EFCAB11: variants seen among roughly 807,000 people sequenced by gnomAD.
EFCAB11 encodes the protein EF-hand calcium-binding domain-containing protein 11.
A neutral mutation model predicts 23.0 loss-of-function variants in EFCAB11; 14 were observed. That is an observed-to-expected ratio of 0.61 (90% confidence interval 0.40 to 0.95). EFCAB11 has a LOEUF of 0.95. Among genes scored for constraint, EFCAB11 ranks in the 40% least tolerant of loss-of-function variants. The pLI, the probability that EFCAB11 is intolerant of heterozygous loss-of-function variation, is 0.00. For synonymous variants in EFCAB11, 65 were observed against 66.6 expected (o/e 0.98, Z 0.11); for missense variants, 198 against 195.8 (o/e 1.01, Z -0.07).
At chr14:89,932,720 A>C in intron 3 of EFCAB11, 93 bp from the exon 4 acceptor site, 1 of 977,972 alleles carries the variant, frequency 1.0e-6, no homozygotes, top group Non-Finnish European at 1.5e-6. Flanking sequence ...AATCTCACCA[A>C]TAATCAAATT....
intron 5 of EFCAB11, among the ~76,000 whole-genome samples, chr14:89,804,187 A>G (rs902815723): frequency 2.0e-5 from 3 of 152,242 alleles, no homozygotes; most frequent in African/African-American, 7.2e-5. Flanking sequence ...CAAACGTGGA[A>G]GCATGAAAAG....
chr14:89,859,932 C>T (rs1057264930), intron 5 of EFCAB11, among the ~76,000 whole-genome samples: 1 of 152,062 alleles, frequency 6.6e-6, no homozygotes, highest in Non-Finnish European at 1.5e-5. Flanking sequence ...CCTCTGATAC[C>T]GTCTTCTCAC....
Position 89,935,443 on chromosome 14 carries a change from C to T in EFCAB11, c.218-2816G>A, listed in dbSNP as rs183240831. Among the ~76,000 whole-genome samples, 82 of 150,146 alleles carry T rather than the reference C, an allele frequency of 5.5e-4. 1 individual carries two copies. Among genetic ancestry groups the T allele is most frequent in the East Asian group, 2.9e-3 (15 of 5,120 alleles). On this transcript the variant is annotated intron_variant, in intron 3 of 5. Coordinates refer to ENST00000316738, the MANE Select transcript of EFCAB11 (RefSeq NM_145231.4). ...TAGAGACAGGGTCTTGCTCTCTTGC[C>T]CAGGCTGGAGTGCAAAGGCTAGTCA...
intron 5 of EFCAB11, among the ~76,000 whole-genome samples, chr14:89,914,409 A>G (rs1000452873): frequency 6.6e-6 from 1 of 152,172 alleles, no homozygotes; most frequent in Non-Finnish European, 1.5e-5. Flanking sequence ...GTTTACTCCA[A>G]CTCTGAGGGG....
chr14:89,837,236 A>C (rs1263608995), intron 5 of EFCAB11: 2 of 410,142 alleles, frequency 4.9e-6, no homozygotes, highest in Non-Finnish European at 1.0e-5. Flanking sequence ...CATCCAATCA[A>C]TTTTCTGCCT....
chr14:89,954,264 T>C (rs1011829087), intron 1 of EFCAB11: 1 of 1,368,732 alleles, frequency 7.3e-7, no homozygotes, highest in Non-Finnish European at 1.0e-6. Context: ...GCCACTGAGA[T>C]AAATTCTACC....
intron 5 of EFCAB11, among the ~76,000 whole-genome samples, chr14:89,844,487 C>T (rs367979909): frequency 5.3e-5 from 8 of 152,318 alleles, no homozygotes; most frequent in African/African-American, 4.8e-5. Context: ...AGACCCCTGG[C>T]GGCCCTGGAT....
chr14:89,913,735 T>C (rs1167664385), intron 5 of EFCAB11, among the ~76,000 whole-genome samples: 1 of 152,218 alleles, frequency 6.6e-6, no homozygotes, highest in Non-Finnish European at 1.5e-5. Context: ...CCAAACATGA[T>C]GCTATCAAAA....
intron 5 of EFCAB11, among the ~76,000 whole-genome samples, chr14:89,889,176 A>G (rs1027525172): frequency 5.9e-5 from 9 of 152,220 alleles, no homozygotes; most frequent in Non-Finnish European, 1.3e-4. Flanking sequence ...GTATGAAGAC[A>G]ATTTCTTCCT....
chr14:89,934,197 T>C (rs997657427), intron 3 of EFCAB11, among the ~76,000 whole-genome samples: 3 of 152,146 alleles, frequency 2.0e-5, no homozygotes, highest in African/African-American at 7.2e-5. Flanking sequence ...CTGGCTATTA[T>C]CCTGATAAAA....
chr14:89,815,455 C>G (rs1386966256), intron 5 of EFCAB11, among the ~76,000 whole-genome samples: 1 of 151,586 alleles, frequency 6.6e-6, no homozygotes, highest in Non-Finnish European at 1.5e-5. Flanking sequence ...AAGACGGAAT[C>G]TTGTTCTGTC....
At chr14:89,866,225 C>T (rs1047721606) in intron 5 of EFCAB11, among the ~76,000 whole-genome samples, 7 of 152,192 alleles carry the variant, frequency 4.6e-5, no homozygotes, top group Non-Finnish European at 8.8e-5. Context: ...TGGGCAGGGG[C>T]CCTTCTGGGC....
chr14:89,931,554 G>T lies in EFCAB11; in HGVS notation c.397C>A (p.Leu133Ile). The change falls in exon 5 of 6, where the codon CTT (leucine) becomes ATT (isoleucine). Residue 133 changes from leucine (L) to isoleucine (I), a missense_variant. Leu to Ile is a conservative substitution (Grantham distance 5). Transcript: ENST00000316738. ...VAPKLPERTV[L>I]EVFREVDRDS... ...TTGATGCCTTACCTGAATACCTCAAGAACAGTCCTTTCCGGTAATTTGGGA... is the reference window on the plus strand; with the variant it reads ...TTGATGCCTTACCTGAATACCTCAATAACAGTCCTTTCCGGTAATTTGGGA... The T allele has an allele frequency of 6.2e-7, 1 of 1,614,014 alleles. No homozygotes were observed. The highest frequency in any genetic ancestry group is 1.1e-5 in the South Asian group (1 of 91,066).
chr14:89,933,357 C>T (rs1393077725), intron 3 of EFCAB11, among the ~76,000 whole-genome samples: 1 of 152,152 alleles, frequency 6.6e-6, no homozygotes, highest in Non-Finnish European at 1.5e-5. Context: ...GTGAACTGAG[C>T]TCTACATATA....
intron 5 of EFCAB11, among the ~76,000 whole-genome samples, chr14:89,927,643 ATC>A (rs1890236789): frequency 1.3e-5 from 2 of 152,224 alleles, no homozygotes; most frequent in African/African-American, 4.8e-5. Context: ...TATGTTAGAC[ATC>A]TCTGTTTCTT....
intron 5 of EFCAB11, among the ~76,000 whole-genome samples, chr14:89,880,220 T>C (rs1431264353): frequency 6.6e-6 from 1 of 152,198 alleles, no homozygotes; most frequent in Admixed American, 6.5e-5. Flanking sequence ...ATGAATGGGA[T>C]TGGTGCCCAA....
In EFCAB11 at chr14:89,932,614, C is replaced by T. The variant is rs1010470639; in HGVS notation, c.231G>A (p.Glu77=). 6.2e-7 allele frequency: 1 copy of T among 1,613,304 alleles called. No homozygotes were observed. The highest frequency in any genetic ancestry group is 8.5e-7 in the Non-Finnish European group (1 of 1,179,710). The change falls in exon 4 of 6, where the codon GAG becomes GAA. Residue 77 remains glutamate (E), a synonymous_variant. Transcript: ENST00000316738. ...TTTTCCTGACAATATTTAAAAACCC[C>T]TCGAGTAATATACCTAAAAGTTGGG... ...INPNTSGILL[E]GFLNIVRKKK... is the part of the protein sequence containing the mutation.
intron 5 of EFCAB11, among the ~76,000 whole-genome samples, chr14:89,803,868 A>G (rs528275043): frequency 1.3e-5 from 2 of 152,352 alleles, no homozygotes; most frequent in Non-Finnish European, 2.9e-5. Flanking sequence ...AGGGCTCTAC[A>G]GCAATTCAGC....
chr14:89,946,565 T>G (rs1175736254), intron 3 of EFCAB11, among the ~76,000 whole-genome samples: 1 of 152,028 alleles, frequency 6.6e-6, no homozygotes, highest in Non-Finnish European at 1.5e-5. Context: ...TTTTCTTCCT[T>G]CTGTTGAATT....
Sources: allele counts gnomAD v4.1 joint callset (sites outside exome capture counted in the v4.1 genomes callset), GRCh38; gene constraint gnomAD v4.1.1; transcripts MANE v1.5; gene names NCBI Gene and HGNC (gene_info 2026-07-23, HGNC 2026-07-21).